Variants in ZNF34 observed in about 807,000 individuals in gnomAD.
ZNF34 encodes zinc finger protein 34.
In ZNF34, 8 loss-of-function variants were observed where a neutral mutation model predicts 14.4. That is an observed-to-expected ratio of 0.55 (90% confidence interval 0.33 to 1.00). The LOEUF (loss-of-function observed/expected upper bound fraction) is 1.00, where lower values mean the gene tolerates loss of function less well. Ranked by LOEUF, ZNF34 falls within the 50% of genes least tolerant of loss-of-function variation. ZNF34 has a pLI of 0.03. For missense variants in ZNF34, 538 were observed against 674.2 expected (o/e 0.80, Z 2.24); for synonymous variants, 235 against 247.9 (o/e 0.95, Z 0.49).
intron 5 of ZNF34, among the ~76,000 whole-genome samples, chr8:144,776,503 G>A (rs1441814334): frequency 1.3e-5 from 2 of 151,952 alleles, no homozygotes; most frequent in Non-Finnish European, 2.9e-5. Context: ...AGGAGGCTGA[G>A]GCAGAATCGC....
intron 5 of ZNF34, among the ~76,000 whole-genome samples, 177 bp from the exon 6 acceptor site, chr8:144,774,782 T>C (rs1279964216): frequency 1.3e-5 from 2 of 152,192 alleles, no homozygotes; most frequent in Non-Finnish European, 2.9e-5. Flanking sequence ...GCCACAGTCA[T>C]ACAGCCCTTC....
intron 1 of ZNF34, among the ~76,000 whole-genome samples, chr8:144,784,192 A>G (rs2130320477): frequency 6.6e-6 from 1 of 152,022 alleles, no homozygotes; most frequent in East Asian, 1.9e-4. Context: ...AGCTAAGGCA[A>G]TACCAAAAAA....
Position 144,772,990 on chromosome 8 carries a change from A to G in ZNF34, c.*276T>C, listed in dbSNP as rs1172966636. The G allele has an allele frequency of 2.8e-6, 1 of 353,108 alleles. No homozygotes were observed. Among genetic ancestry groups the G allele is most frequent in the Admixed American group, 4.3e-5 (1 of 23,446 alleles). 21.9% of individuals were successfully genotyped at this position (353,108 alleles called of 1,614,324 possible). On this transcript the variant is annotated 3_prime_UTR_variant, in exon 6 of 6. Coordinates refer to ENST00000429371, the MANE Select transcript of ZNF34 (RefSeq NM_001286769.2). The stretch of plus-strand genomic sequence containing the variant: ...GTATTTTCTTTTTAAAATGCTCTCC[A>G]GTATGTCTCGAAAATATTCGTAAAT...
At position 144,773,486 on chromosome 8, in the gene ZNF34, G is replaced by T. The variant is rs267601830; in HGVS notation, c.1400C>A (p.Ser467Tyr). 1 of 1,614,100 alleles carries T rather than the reference G, an allele frequency of 6.2e-7. No homozygotes were observed. Among genetic ancestry groups the T allele is most frequent in the South Asian group, 1.1e-5 (1 of 91,086 alleles). ...CAGCCTCTGGTGGTGGATGAGTCTGGAACTGTTGTGGAAGGCCTTCCCACA... is the reference window on the plus strand; with the variant it reads ...CAGCCTCTGGTGGTGGATGAGTCTGTAACTGTTGTGGAAGGCCTTCCCACA... The part of the protein sequence containing the change: ...SECGKAFHNS[S>Y]RLIHHQRLHH... Residue 467 changes from serine to tyrosine, a missense_variant, in exon 6 of 6, where the codon TCC becomes TAC. Around this residue, in one of 3 missense-constraint regions of ZNF34, gnomAD observed 101 missense variants for 123.1 expected, o/e 0.82. Coordinates refer to ENST00000429371, the MANE Select transcript of ZNF34 (RefSeq NM_001286769.2). This position sits in a 1 kb window ranked among gnomAD's most constrained non-coding sequence, Gnocchi z 5.4.
At position 144,772,537 on chromosome 8, in the gene ZNF34, AG is replaced by A. The variant is rs1265014875; in HGVS notation, c.*728del. On this transcript the variant is annotated 3_prime_UTR_variant, in exon 6 of 6. Coordinates refer to ENST00000429371, the MANE Select transcript of ZNF34 (RefSeq NM_001286769.2). ...ATTGACATAAAAAGTATGAATGTTA[AG>A]TTTGTTTCATTTATTTTTTGAGACA... is the stretch of plus-strand genomic sequence containing the variant. Among the ~76,000 whole-genome samples, 2 of 152,146 alleles carry A rather than the reference AG, an allele frequency of 1.3e-5. No homozygotes were observed. Among genetic ancestry groups the A allele is most frequent in the Non-Finnish European group, 2.9e-5 (2 of 68,026 alleles).
chr8:144,773,370 C>T lies in ZNF34; in HGVS notation c.1516G>A (p.Gly506Arg), dbSNP rs772027364. 2.3e-5 allele frequency: 37 copies of T among 1,614,078 alleles called. No homozygotes were observed. The highest frequency in any genetic ancestry group is 6.7e-5 in the Admixed American group (4 of 60,002). ...YLIQHRRIHT[G>R]EKPYKCSECG... The stretch of plus-strand genomic sequence containing the variant: ...TCGCTGCACTTGTAGGGCTTCTCCC[C>T]GGTGTGGATCCTCCGGTGCTGAATC... The change falls in exon 6 of 6, where the codon GGG becomes AGG. Residue 506 changes from glycine (G) to arginine (R), a missense_variant. Around this residue, in one of 3 missense-constraint regions of ZNF34, gnomAD observed 101 missense variants for 123.1 expected, o/e 0.82. Coordinates refer to ENST00000429371, the MANE Select transcript of ZNF34 (RefSeq NM_001286769.2). The surrounding 1 kb of genome is among the most constrained non-coding windows in gnomAD (Gnocchi z 5.4).
At chr8:144,784,122 T>C (rs561597071) in intron 1 of ZNF34, among the ~76,000 whole-genome samples, 40 of 148,850 alleles carry the variant, frequency 2.7e-4, no homozygotes, top group African/African-American at 9.7e-4. Context: ...ATCACACCAC[T>C]GCACTCCATC....
intron 1 of ZNF34, among the ~76,000 whole-genome samples, chr8:144,784,747 G>C (rs1826118619): frequency 6.6e-6 from 1 of 151,676 alleles, no homozygotes. Context: ...GACAGAGCAA[G>C]ACTCTGTCTC....
At chr8:144,781,463 G>A (rs547953175) in intron 1 of ZNF34, among the ~76,000 whole-genome samples, 109 of 151,952 alleles carry the variant, frequency 7.2e-4, no homozygotes, top group Non-Finnish European at 1.0e-3. Context: ...TCACCGTGCT[G>A]GCCAGGATGG....
At position 144,779,368 on chromosome 8, in the gene ZNF34, T is replaced by C. The variant is rs745458516; in HGVS notation, c.-54-843A>G. 6.6e-6 allele frequency among the ~76,000 whole-genome samples: 1 copy of C among 152,236 alleles called. No individual in the cohort carries two copies. The highest frequency in any genetic ancestry group is 1.5e-5 in the Non-Finnish European group (1 of 68,044). ...CTACCTTTCTATCCCCATGTCCTCA[T>C]GTCCTCACCTGTCTACCCTCATGTC... On this transcript the variant is annotated intron_variant, in intron 2 of 5. Transcript: ENST00000429371. This position sits in a 1 kb window ranked among gnomAD's most constrained non-coding sequence, Gnocchi z 4.1.
rs779861175 is a variant in ZNF34 at position 144,774,513 on chromosome 8, C to G, written c.373G>C (p.Asp125His). Residue 125 changes from aspartate (D) to histidine (H), a missense_variant, in exon 6 of 6, where the codon GAC (aspartate) becomes CAC (histidine). Physicochemically the swap from Asp to His is moderately conservative, Grantham distance 81. This residue lies in a region of ZNF34 where 431 missense variants were observed against 525.7 expected (regional missense o/e 0.82). Coordinates refer to ENST00000429371, the MANE Select transcript of ZNF34 (RefSeq NM_001286769.2). ...PQGSEPVEAC[D>H]HISKSEGSLE... ...CTCCCCTCTGACTTACTGATGTGGTCACAGGCTTCTACTGGCTCAGATCCC... is the reference window on the plus strand; with the variant it reads ...CTCCCCTCTGACTTACTGATGTGGTGACAGGCTTCTACTGGCTCAGATCCC... 2.5e-5 allele frequency: 40 copies of G among 1,613,888 alleles called. 1 individual carries two copies. In the South Asian group the frequency reaches 4.3e-4, roughly 17 times the overall value.
intron 1 of ZNF34, among the ~76,000 whole-genome samples, chr8:144,785,104 GCC>G (rs1563794595): frequency 8.0e-5 from 6 of 74,874 alleles, no homozygotes; most frequent in South Asian, 4.3e-4. Flanking sequence ...GCCAGACCCT[GCC>G]AAAAAAAAAA....
Position 144,778,253 on chromosome 8 carries a change from A to G in ZNF34, c.34-89T>C. On this transcript the variant is annotated intron_variant, in intron 3 of 5. Coordinates refer to ENST00000429371, the MANE Select transcript of ZNF34 (RefSeq NM_001286769.2). ...GCAGCAGAAGCATGCTAAAGGCAGC[A>G]GCACAGTGGGTGGCCTGACCCATCT... 4 of 1,535,628 alleles carry G rather than the reference A, an allele frequency of 2.6e-6. No individual in the cohort carries two copies. In the Admixed American group the frequency reaches 7.8e-5, roughly 30 times the overall value.
At chr8:144,785,106 CA>C (rs749277788) in intron 1 of ZNF34, among the ~76,000 whole-genome samples, 505 of 50,036 alleles carry the variant, frequency 0.01, 3 homozygotes, top group African/African-American at 0.027. Flanking sequence ...CAGACCCTGC[CA>C]AAAAAAAAAA....
chr8:144,773,800 C>A lies in ZNF34; in HGVS notation c.1086G>T (p.Arg362=). The A allele has an allele frequency of 6.2e-7, 1 of 1,614,030 alleles. No individual in the cohort carries two copies. Among genetic ancestry groups the A allele is most frequent in the South Asian group, 1.1e-5 (1 of 91,062 alleles). Residue 362 remains arginine, a synonymous_variant, in exon 6 of 6, where the codon CGG becomes CGT. Coordinates refer to ENST00000429371, the MANE Select transcript of ZNF34 (RefSeq NM_001286769.2). This position sits in a 1 kb window ranked among gnomAD's most constrained non-coding sequence, Gnocchi z 5.4. ...SDGSILIRHR[R]THTGEKPFEC... ...CAAATGGCTTCTCTCCGGTGTGAGTCCGACGATGTCGGATAAGGATTGAGC... is the reference window on the plus strand; with the variant it reads ...CAAATGGCTTCTCTCCGGTGTGAGTACGACGATGTCGGATAAGGATTGAGC...
rs563602843 is a variant in ZNF34 at position 144,785,992 on chromosome 8, T to G, written c.-108+1287A>C. On this transcript the variant is annotated intron_variant, in intron 1 of 5. Transcript: ENST00000429371. Reference sequence around the variant, plus strand: ...AATACATAGGTAGTTTTTTTTTTTTTTTTTTTTTTTGAGACGGAGTCTTGC... The same window carrying G: ...AATACATAGGTAGTTTTTTTTTTTTGTTTTTTTTTTGAGACGGAGTCTTGC... 4.8e-5 allele frequency among the ~76,000 whole-genome samples: 7 copies of G among 147,146 alleles called. No individual in the cohort carries two copies. The East Asian group carries it at 1.2e-3, about 26-fold the overall frequency.
Position 144,773,029 on chromosome 8 carries a change from T to G in ZNF34, c.*237A>C. 2.4e-6 allele frequency: 1 copy of G among 414,008 alleles called. No homozygotes were observed. The highest frequency in any genetic ancestry group is 3.8e-5 in the East Asian group (1 of 26,116). The allele number at this position is 414,008 out of a possible 1,614,324, so 25.6% of individuals were successfully genotyped here. A position where few individuals can be genotyped will look rare whatever the true frequency, so the allele number is the denominator to read the frequency against. On this transcript the variant is annotated 3_prime_UTR_variant, in exon 6 of 6. Coordinates refer to ENST00000429371, the MANE Select transcript of ZNF34 (RefSeq NM_001286769.2). This position sits in a 1 kb window ranked among gnomAD's most constrained non-coding sequence, Gnocchi z 5.4. Reference sequence around the variant, plus strand: ...ATATTCGTAAATCAGCAGCAATGAATTTTTTTTCTAAGTGGGAGAGATCAC... The same window carrying G: ...ATATTCGTAAATCAGCAGCAATGAAGTTTTTTTCTAAGTGGGAGAGATCAC...
chr8:144,776,827 G>A (rs555537273), intron 5 of ZNF34, among the ~76,000 whole-genome samples: 3 of 149,296 alleles, frequency 2.0e-5, no homozygotes, highest in African/African-American at 5.0e-5. Context: ...TGGGAGGATC[G>A]CTTAAGTGCA....
In ZNF34 at chr8:144,786,805, G is replaced by A. The variant is rs145634417; in HGVS notation, c.-108+474C>T. ...GGCACAAGCAGAGGGAGGAGCACTG[G>A]CGGAGCGCGGACGCTAAAGGCAGGA... On this transcript the variant is annotated intron_variant, in intron 1 of 5. Coordinates refer to ENST00000429371, the MANE Select transcript of ZNF34 (RefSeq NM_001286769.2). Among the ~76,000 whole-genome samples, 872 of 152,160 alleles carry A rather than the reference G, an allele frequency of 5.7e-3. 4 individuals are homozygous for A. Among genetic ancestry groups the A allele is most frequent in the African/African-American group, 0.02 (835 of 41,526 alleles).
Sources: gnomAD v4.1 joint callset for allele counts (sites outside exome capture counted in the v4.1 genomes callset) on GRCh38, gnomAD v4.1.1 for gene constraint, gnomAD v4.1.1 regional missense constraint, Gnocchi (gnomAD v3.1) non-coding constraint, MANE v1.5 for transcripts, NCBI Gene and HGNC (gene_info 2026-07-23, HGNC 2026-07-21) for gene names.